Variants in PTPRU observed in about 807,000 individuals in gnomAD.
PTPRU encodes the protein receptor-type tyrosine-protein phosphatase U.
A neutral mutation model predicts 166.3 loss-of-function variants in PTPRU; 69 were observed. The ratio of observed to expected loss-of-function variants is 0.41; its 90% CI spans 0.34 to 0.51. The LOEUF is 0.51. Among genes scored for constraint, PTPRU ranks in the 20% least tolerant of loss-of-function variants. The probability of loss-of-function intolerance (pLI) is 0.09; values close to 1 mark genes in which losing one functional copy is unlikely to be tolerated. For synonymous variants in PTPRU, 793 were observed against 814.0 expected (o/e 0.97, Z 0.44); for missense variants, 1,657 against 2,013.7 (o/e 0.82, Z 3.39).
rs116147242 is a variant in PTPRU, at chr1:29,246,617, T to C, written c.74-8658T>C. Among the ~76,000 whole-genome samples the C allele has an allele frequency of 3.9e-3, 599 of 152,122 alleles. 1 individual carries two copies. The highest frequency in any genetic ancestry group is 9.3e-3 in the African/African-American group (384 of 41,496). On this transcript the variant is annotated intron_variant, in intron 1 of 29. Coordinates refer to ENST00000373779, the MANE Select transcript of PTPRU (RefSeq NM_133178.4). ...TTGAATCCACTGGTTCCACACAGCA[T>C]CTATTTTTTTTTTTTTAAGATGGAA...
chr1:29,265,564 T>C (rs935431705), intron 7 of PTPRU, among the ~76,000 whole-genome samples: 1 of 152,032 alleles, frequency 6.6e-6, no homozygotes, highest in Non-Finnish European at 1.5e-5. Context: ...GGTTTCAGCA[T>C]GTTGGCCAGG....
Position 29,259,264 on chromosome 1 carries a change from C to T in PTPRU, c.481C>T (p.Leu161=). The T allele has an allele frequency of 6.2e-7, 1 of 1,613,158 alleles. No homozygotes were observed. The highest frequency in any genetic ancestry group is 8.5e-7 in the Non-Finnish European group (1 of 1,179,266). ...GGGGCCCTCCCGCCTCCCCCAGGTG[C>T]TGTTTGAGGCCCTCATCTCCCCAGA... ...STFWPNEYQV[L]FEALISPDRR... The change falls in exon 4 of 30, where the codon CTG becomes TTG. Residue 161 remains leucine, a synonymous_variant. Coordinates refer to ENST00000373779, the MANE Select transcript of PTPRU (RefSeq NM_133178.4).
In PTPRU at chr1:29,315,602, G is replaced by A; in HGVS notation, c.3363+95G>A. 1 of 1,536,142 alleles carries A rather than the reference G, an allele frequency of 6.5e-7. No homozygotes were observed. On this transcript the variant is annotated intron_variant, in intron 23 of 29. Coordinates refer to ENST00000373779, the MANE Select transcript of PTPRU (RefSeq NM_133178.4). This position sits in a 1 kb window ranked among gnomAD's most constrained non-coding sequence, Gnocchi z 4.5. ...AGCCGGCAGAGCATGCCCAAAGGGTGTCCTGAGGCTCTTGCCTTCCCTCAG... is the reference window on the plus strand; with the variant it reads ...AGCCGGCAGAGCATGCCCAAAGGGTATCCTGAGGCTCTTGCCTTCCCTCAG...
In PTPRU at chr1:29,259,357, A is replaced by G. The variant is rs1684919334; in HGVS notation, c.559+15A>G. On this transcript the variant is annotated intron_variant, in intron 4 of 29. Transcript: ENST00000373779. ...CTACCCCTGCGGTGAGTCCCAGCCC[A>G]CTGGGGGCGCAGGGGTAAGGGGTGT... 1 of 1,612,790 alleles carries G rather than the reference A, an allele frequency of 6.2e-7. No homozygotes were observed. The highest frequency in any genetic ancestry group is 1.3e-5 in the African/African-American group (1 of 74,896).
chr1:29,243,949 C>G lies in PTPRU; in HGVS notation c.73+7232C>G, dbSNP rs941822853. Among the ~76,000 whole-genome samples the G allele has an allele frequency of 1.1e-4, 16 of 152,250 alleles. No individual in the cohort carries two copies. In the East Asian group the frequency reaches 2.9e-3, roughly 28 times the overall value. On this transcript the variant is annotated intron_variant, in intron 1 of 29. Coordinates refer to ENST00000373779, the MANE Select transcript of PTPRU (RefSeq NM_133178.4). ...GGGAGGACCCCTGAGGGGGACAGCTCAGAAGATGCTGCTTCCAGATGACGC... is the reference window on the plus strand; with the variant it reads ...GGGAGGACCCCTGAGGGGGACAGCTGAGAAGATGCTGCTTCCAGATGACGC...
chr1:29,307,144 GAAGT>G (rs1687428702), intron 18 of PTPRU: 3 of 1,613,334 alleles, frequency 1.9e-6, no homozygotes, highest in Admixed American at 1.7e-5. Context: ...GATAAACCGA[GAAGT>G]AAGTATCTCT....
At position 29,315,562 on chromosome 1, in the gene PTPRU, C is replaced by G; in HGVS notation, c.3363+55C>G. 1.2e-6 allele frequency: 2 copies of G among 1,607,468 alleles called. No homozygotes were observed. Among genetic ancestry groups the G allele is most frequent in the Non-Finnish European group, 1.7e-6 (2 of 1,175,448 alleles). On this transcript the variant is annotated intron_variant, in intron 23 of 29. Transcript: ENST00000373779. This position sits in a 1 kb window ranked among gnomAD's most constrained non-coding sequence, Gnocchi z 4.5. ...TATTACTTCTAGGACTGGAGTTTCT[C>G]GTGAAGGATCCTGGAGCCGGCAGAG... is the stretch of plus-strand genomic sequence containing the variant.
rs1464194216 is a variant in PTPRU at position 29,317,280 on chromosome 1, A to T, written c.3514-468A>T. Among the ~76,000 whole-genome samples, 1 of 151,720 alleles carries T rather than the reference A, an allele frequency of 6.6e-6. No individual in the cohort carries two copies. The highest frequency in any genetic ancestry group is 1.5e-5 in the Non-Finnish European group (1 of 67,946). ...GACAGGGCCGTGACCAAGGAACGTG[A>T]CCCCCTCTCCACGTGCCTGGAGTCC... On this transcript the variant is annotated intron_variant, in intron 24 of 29. Transcript: ENST00000373779. This position sits in a 1 kb window ranked among gnomAD's most constrained non-coding sequence, Gnocchi z 5.6.
chr1:29,288,101 G>T (rs1165075473), intron 14 of PTPRU, among the ~76,000 whole-genome samples: 1 of 152,156 alleles, frequency 6.6e-6, no homozygotes, highest in South Asian at 2.1e-4. Context: ...AGGCCTACCT[G>T]AGCCACCATG....
rs762342695 is a variant in PTPRU at position 29,325,634 on chromosome 1, G to A, written c.4284G>A (p.Glu1428=). ...ACTTTTGCTACGATGTGGCCCTGGAGTACTTGGAGGGGCTGGAGTCAAGAT... is the reference window on the plus strand; with the variant it reads ...ACTTTTGCTACGATGTGGCCCTGGAATACTTGGAGGGGCTGGAGTCAAGAT... ...QYHFCYDVAL[E]YLEGLESR Residue 1428 remains glutamate (E), a synonymous_variant, in exon 30 of 30, where the codon GAG becomes GAA. Coordinates refer to ENST00000373779, the MANE Select transcript of PTPRU (RefSeq NM_133178.4). 1.6e-5 allele frequency: 26 copies of A among 1,611,822 alleles called. No homozygotes were observed. The highest frequency in any genetic ancestry group is 2.0e-5 in the Non-Finnish European group (24 of 1,178,754).
intron 15 of PTPRU, among the ~76,000 whole-genome samples, chr1:29,292,702 TACA>T (rs1438459762): frequency 6.6e-5 from 10 of 152,220 alleles, no homozygotes; most frequent in Admixed American, 3.9e-4. Context: ...ATCATAACAA[TACA>T]ACAAACAGCA....
chr1:29,300,001 G>T (rs1350144062), intron 15 of PTPRU, among the ~76,000 whole-genome samples: 2 of 152,214 alleles, frequency 1.3e-5, no homozygotes. Context: ...TCCTGGAAAT[G>T]ACTAGTAATG....
chr1:29,311,488 C>T lies in PTPRU; in HGVS notation c.2890C>T (p.Arg964Cys), dbSNP rs761545000. Residue 964 changes from arginine (R) to cysteine (C), a missense_variant, in exon 20 of 30, where the codon CGT becomes TGT. Around this residue, in one of 3 missense-constraint regions of PTPRU, gnomAD observed 1,190 missense variants for 1,477.4 expected, o/e 0.81. Coordinates refer to ENST00000373779, the MANE Select transcript of PTPRU (RefSeq NM_133178.4). The surrounding 1 kb of genome is among the most constrained non-coding windows in gnomAD (Gnocchi z 4.1). ...GCCTGAGATGGTCTATGACTTCTGG[C>T]GTATGGTGTGGCAGGAGCACTGTTC... Reference protein sequence around the residue: ...PKPEMVYDFWRMVWQEHCSSI... With the variant: ...PKPEMVYDFWCMVWQEHCSSI... 27 of 1,614,042 alleles carry T rather than the reference C, an allele frequency of 1.7e-5. No individual in the cohort carries two copies. The highest frequency in any genetic ancestry group is 3.3e-4 in the Middle Eastern group (2 of 6,084).
intron 17 of PTPRU, among the ~76,000 whole-genome samples, chr1:29,305,093 G>T (rs1687325126): frequency 6.6e-6 from 1 of 152,204 alleles, no homozygotes; most frequent in Admixed American, 6.5e-5. Context: ...GGGAGATTAA[G>T]ATTCCTGCTT....
chr1:29,313,748 G>C (rs1687773115), intron 22 of PTPRU, among the ~76,000 whole-genome samples: 1 of 152,200 alleles, frequency 6.6e-6, no homozygotes, highest in African/African-American at 2.4e-5. Flanking sequence ...CCAGCTACCT[G>C]TGAGGCTGAG....
chr1:29,301,426 C>T (rs926231384), intron 15 of PTPRU, among the ~76,000 whole-genome samples: 2 of 152,184 alleles, frequency 1.3e-5, no homozygotes, highest in South Asian at 2.1e-4. Context: ...CAATTATGTG[C>T]AGTACATAAT....
intron 15 of PTPRU, among the ~76,000 whole-genome samples, chr1:29,302,151 A>ATGTGTGTGTG (rs138316498): frequency 1.3e-3 from 190 of 142,314 alleles, no homozygotes; most frequent in African/African-American, 4.7e-3. Flanking sequence ...GCTAATGTGT[A>ATGTGTGTGTG]TGTGTGTGTG....
intron 1 of PTPRU, among the ~76,000 whole-genome samples, chr1:29,244,510 G>C (rs895230071): frequency 6.6e-6 from 1 of 152,126 alleles, no homozygotes; most frequent in African/African-American, 2.4e-5. Context: ...CTGAGAGTGG[G>C]AAATACATTG....
At chr1:29,299,441 T>C (rs1219040009) in intron 15 of PTPRU, among the ~76,000 whole-genome samples, 1 of 152,154 alleles carries the variant, frequency 6.6e-6, no homozygotes, top group Non-Finnish European at 1.5e-5. Context: ...ACCTGTCCTC[T>C]CTGGGCCCAG....
Sources: allele counts gnomAD v4.1 joint callset (sites outside exome capture counted in the v4.1 genomes callset), GRCh38; gene constraint gnomAD v4.1.1; regional missense constraint gnomAD v4.1.1; non-coding constraint Gnocchi (gnomAD v3.1); transcripts MANE v1.5; gene names NCBI Gene and HGNC (gene_info 2026-07-23, HGNC 2026-07-21).